C12orf56: variants seen among roughly 807,000 people sequenced by gnomAD.
C12orf56 encodes the protein chromosome 12 open reading frame 56, also known as uncharacterized protein C12orf56.
In C12orf56, 71 loss-of-function variants were observed where a neutral mutation model predicts 69.9. The observed-to-expected ratio is 1.02, with a 90% CI of 0.84 to 1.24. C12orf56 has a LOEUF of 1.24. C12orf56 is among the 50% of genes most tolerant of loss of function. The pLI is 0.00. For missense variants in C12orf56, 732 were observed against 738.5 expected (o/e 0.99, Z 0.10); for synonymous variants, 276 against 274.1 (o/e 1.01, Z -0.07).
chr12:64,316,031 A>T (rs2038687509), intron 4 of C12orf56, among the ~76,000 whole-genome samples: 1 of 152,012 alleles, frequency 6.6e-6, no homozygotes, highest in Admixed American at 6.6e-5. Context: ...ATATTTGGTT[A>T]TTCATTTTCC....
intron 6 of C12orf56, among the ~76,000 whole-genome samples, chr12:64,287,187 T>C (rs1488721631): frequency 6.9e-6 from 1 of 144,482 alleles, no homozygotes; most frequent in East Asian, 2.1e-4. Flanking sequence ...GAGGTTGCAG[T>C]GAGCTGGGAT....
intron 3 of C12orf56, among the ~76,000 whole-genome samples, chr12:64,325,005 T>A (rs2038819809): frequency 6.6e-6 from 1 of 152,158 alleles, no homozygotes; most frequent in African/African-American, 2.4e-5. Flanking sequence ...AACAGACAAC[T>A]GAACACTGTC....
At chr12:64,323,811 G>A (rs2038803277) in intron 3 of C12orf56, among the ~76,000 whole-genome samples, 1 of 152,072 alleles carries the variant, frequency 6.6e-6, no homozygotes, top group South Asian at 2.1e-4. Context: ...ATGCCCAGCT[G>A]CAAACATTAA....
At chr12:64,354,602 C>T (rs566595714) in intron 1 of C12orf56, among the ~76,000 whole-genome samples, 108 of 151,976 alleles carry the variant, frequency 7.1e-4, no homozygotes, top group African/African-American at 2.3e-3. Context: ...GGATTACAAG[C>T]GCCTGCCACC....
At chr12:64,319,420 G>A (rs746432003) in intron 3 of C12orf56, among the ~76,000 whole-genome samples, 6 of 152,094 alleles carry the variant, frequency 3.9e-5, no homozygotes, top group Non-Finnish European at 8.8e-5. Flanking sequence ...GTTTGAGACC[G>A]GGTCTCACTC....
chr12:64,383,772 C>G (rs1481627984), intron 1 of C12orf56, among the ~76,000 whole-genome samples: 1 of 152,032 alleles, frequency 6.6e-6, no homozygotes, highest in African/African-American at 2.4e-5. Flanking sequence ...ATAAATCAAC[C>G]AAATATGAGC....
rs1398785886 is a variant in C12orf56, at chr12:64,266,720, C to T, written c.*463G>A. 2 of 409,900 alleles carry T rather than the reference C, an allele frequency of 4.9e-6. No homozygotes were observed. The highest frequency in any genetic ancestry group is 4.0e-5 in the Admixed American group (1 of 24,810). 25.4% of individuals were successfully genotyped at this position (409,900 alleles called of 1,614,324 possible). A position where few individuals can be genotyped will look rare whatever the true frequency, so the allele number is the denominator to read the frequency against. On this transcript the variant is annotated 3_prime_UTR_variant, in exon 13 of 13. Transcript: ENST00000543942. ...AGAAGATAAAACACCTTGAGAAGAA[C>T]TTGAATGCCCATGCCTCAGGCCCCC...
chr12:64,277,998 C>A (rs1283221579), intron 8 of C12orf56, among the ~76,000 whole-genome samples, 195 bp from the exon 9 acceptor site: 1 of 152,158 alleles, frequency 6.6e-6, no homozygotes, highest in Non-Finnish European at 1.5e-5. Flanking sequence ...AATATAACTT[C>A]TTGGTCTTCT....
chr12:64,382,065 C>T (rs1201585040), intron 1 of C12orf56, among the ~76,000 whole-genome samples: 1 of 151,886 alleles, frequency 6.6e-6, no homozygotes, highest in East Asian at 1.9e-4. Context: ...AGTTCAAGAC[C>T]AGCCTGGCCA....
chr12:64,390,471 G>C lies in C12orf56; in HGVS notation c.95C>G (p.Ala32Gly), dbSNP rs1266742952. The change falls in exon 1 of 13, where the codon GCG becomes GGG. Residue 32 changes from alanine to glycine, a missense_variant. Physicochemically the swap from Ala to Gly is moderately conservative, Grantham distance 60. Transcript: ENST00000543942. Reference sequence around the variant, plus strand: ...GATGCATGGCTCGTAGGCGCGGACCGCGTCGTAGACCTCGGGCGGCAGATG... The same window carrying C: ...GATGCATGGCTCGTAGGCGCGGACCCCGTCGTAGACCTCGGGCGGCAGATG... The part of the protein sequence containing the change: ...RRHLPPEVYD[A>G]VRAYEPCIVV... The C allele has an allele frequency of 1.9e-5, 31 of 1,606,644 alleles. No homozygotes were observed. The highest frequency in any genetic ancestry group is 1.9e-5 in the Non-Finnish European group (22 of 1,179,670).
chr12:64,386,973 G>T (rs907166664), intron 1 of C12orf56, among the ~76,000 whole-genome samples: 7 of 148,522 alleles, frequency 4.7e-5, no homozygotes, highest in Non-Finnish European at 3.0e-5. Flanking sequence ...CAGCTACTTA[G>T]GAGGCTGAGG....
intron 6 of C12orf56, among the ~76,000 whole-genome samples, chr12:64,286,293 T>A (rs1479539598): frequency 6.6e-6 from 1 of 152,208 alleles, no homozygotes; most frequent in Non-Finnish European, 1.5e-5. Flanking sequence ...TGCTGGGAGA[T>A]GCCAGTTAGG....
intron 1 of C12orf56, 125 bp downstream of exon 1, chr12:64,390,189 A>G: frequency 1.6e-6 from 2 of 1,265,836 alleles, no homozygotes; most frequent in Non-Finnish European, 2.1e-6. Flanking sequence ...TCGTTCTCAA[A>G]TAAGAGGAGG....
intron 2 of C12orf56, among the ~76,000 whole-genome samples, chr12:64,347,164 G>C (rs1033479543): frequency 6.6e-6 from 1 of 151,928 alleles, no homozygotes; most frequent in Non-Finnish European, 1.5e-5. Context: ...TTGTAGTAGA[G>C]ACGGGGTTTT....
At chr12:64,373,381 C>T (rs988972237) in intron 1 of C12orf56, among the ~76,000 whole-genome samples, 1 of 152,024 alleles carries the variant, frequency 6.6e-6, no homozygotes, top group Non-Finnish European at 1.5e-5. Flanking sequence ...GTCCAGAAGG[C>T]AGAGGTTGCA....
At chr12:64,378,713 G>C (rs1376587934) in intron 1 of C12orf56, among the ~76,000 whole-genome samples, 2 of 152,084 alleles carry the variant, frequency 1.3e-5, no homozygotes, top group African/African-American at 4.8e-5. Context: ...GTGATTACAG[G>C]CGTGGGCCAC....
At chr12:64,362,385 G>A (rs1395423221) in intron 1 of C12orf56, among the ~76,000 whole-genome samples, 1 of 152,138 alleles carries the variant, frequency 6.6e-6, no homozygotes, top group Non-Finnish European at 1.5e-5. Flanking sequence ...CAAAGTGAAA[G>A]CAACTTTATT....
At chr12:64,275,007 T>G (rs1217138080) in intron 10 of C12orf56, 32 bp from the exon 11 acceptor site, 1 of 1,530,772 alleles carries the variant, frequency 6.5e-7, no homozygotes, top group Non-Finnish European at 9.0e-7. Flanking sequence ...ACAAGTTATA[T>G]TCATAAAGTT....
chr12:64,270,530 T>C lies in C12orf56; in HGVS notation c.1763+6A>G. 1 of 1,523,412 alleles carries C rather than the reference T, an allele frequency of 6.6e-7. No individual in the cohort carries two copies. Among genetic ancestry groups the C allele is most frequent in the Non-Finnish European group, 8.8e-7 (1 of 1,135,258 alleles). 94.4% of individuals were successfully genotyped at this position (1,523,412 alleles called of 1,614,324 possible). Reference sequence around the variant, plus strand: ...CTGCAGATTAGATTCAGACATTTTTTCTTACCTGAATTCTTCTCTGTAGTT... The same window carrying C: ...CTGCAGATTAGATTCAGACATTTTTCCTTACCTGAATTCTTCTCTGTAGTT... On this transcript the variant is annotated splice_donor_region_variant and intron_variant, in intron 12 of 12. Coordinates refer to ENST00000543942, the MANE Select transcript of C12orf56 (RefSeq NM_001170633.2).
Sources: allele counts gnomAD v4.1 joint callset (sites outside exome capture counted in the v4.1 genomes callset), GRCh38; gene constraint gnomAD v4.1.1; transcripts MANE v1.5; gene names NCBI Gene and HGNC (gene_info 2026-07-23, HGNC 2026-07-21).